TTF2: variants seen among roughly 807,000 people sequenced by gnomAD.
TTF2 encodes the protein transcription termination factor 2.
A neutral mutation model predicts 142.4 loss-of-function variants in TTF2; 108 were observed. The ratio of observed to expected loss-of-function variants is 0.76; its 90% CI spans 0.65 to 0.89. The LOEUF (loss-of-function observed/expected upper bound fraction) is 0.89, where lower values mean the gene tolerates loss of function less well. TTF2 is among the 40% of genes least tolerant of loss of function. The pLI is 0.00. For synonymous variants in TTF2, 483 were observed against 506.2 expected (o/e 0.95, Z 0.61); for missense variants, 1,327 against 1,379.8 (o/e 0.96, Z 0.61).
Position 117,090,642 on chromosome 1 carries a change from C to T in TTF2, c.2588+19C>T. 6.4e-7 allele frequency: 1 copy of T among 1,573,054 alleles called. No individual in the cohort carries two copies. The highest frequency in any genetic ancestry group is 8.7e-7 in the Non-Finnish European group (1 of 1,147,186). On this transcript the variant is annotated intron_variant, in intron 15 of 22. Transcript: ENST00000369466. The surrounding 1 kb of genome is among the most constrained non-coding windows in gnomAD (Gnocchi z 4.8). Reference sequence around the variant, plus strand: ...GATCAAGGTGTGTGTATTAAAGAAGCACCTTCTCACACACATTGTTTTATT... The same window carrying T: ...GATCAAGGTGTGTGTATTAAAGAAGTACCTTCTCACACACATTGTTTTATT...
rs1023922623 is a variant in TTF2, at chr1:117,073,530, A to G, written c.219-131A>G. The stretch of plus-strand genomic sequence containing the variant: ...ATTTTTAAATGTGTATATAAAAGTA[A>G]TTGGTTTCAAGTGACCTCCCAAAGC... On this transcript the variant is annotated intron_variant, in intron 3 of 22. Transcript: ENST00000369466. The surrounding 1 kb of genome is among the most constrained non-coding windows in gnomAD (Gnocchi z 4.4). 1 of 694,400 alleles carries G rather than the reference A, an allele frequency of 1.4e-6. No homozygotes were observed. Among genetic ancestry groups the G allele is most frequent in the African/African-American group, 1.8e-5 (1 of 55,596 alleles). The allele number at this position is 694,400 out of a possible 1,614,324, so 43.0% of individuals were successfully genotyped here.
rs1649603855 is a variant in TTF2, at chr1:117,101,760, AT to A, written c.*238del. On this transcript the variant is annotated 3_prime_UTR_variant, in exon 23 of 23. Coordinates refer to ENST00000369466, the MANE Select transcript of TTF2 (RefSeq NM_003594.4). This position sits in a 1 kb window ranked among gnomAD's most constrained non-coding sequence, Gnocchi z 5.9. The stretch of plus-strand genomic sequence containing the variant: ...TATTTAATGAGTGGTATGGAAACCA[AT>A]TGATTTTTTTAGATAAAAGAATATG... 5.4e-6 allele frequency: 2 copies of A among 372,702 alleles called. No homozygotes were observed. The highest frequency in any genetic ancestry group is 9.0e-5 in the Admixed American group (2 of 22,248). 23.1% of individuals were successfully genotyped at this position (372,702 alleles called of 1,614,324 possible). A position where few individuals can be genotyped will look rare whatever the true frequency, so the allele number is the denominator to read the frequency against.
intron 8 of TTF2, 53 bp downstream of exon 8, chr1:117,078,096 C>G: frequency 6.3e-7 from 1 of 1,585,818 alleles, no homozygotes; most frequent in Admixed American, 1.7e-5. Context: ...CTCCAGCAGC[C>G]CCATGAAACT....
chr1:117,090,206 T>C lies in TTF2; in HGVS notation c.2494T>C (p.Leu832=). The C allele has an allele frequency of 6.2e-7, 1 of 1,613,616 alleles. No individual in the cohort carries two copies. Among genetic ancestry groups the C allele is most frequent in the Non-Finnish European group, 8.5e-7 (1 of 1,179,722 alleles). ...CCAGCTGGACTCTACTGGCAGACCT[T>C]TGGTAATCAAGTTTGTACCTGTCCC... ...KDQLDSTGRP[L]VILPQRKFQL... Residue 832 remains leucine (L), a splice_region_variant and synonymous_variant, in exon 14 of 23, where the codon TTG becomes CTG. Transcript: ENST00000369466. The surrounding 1 kb of genome is among the most constrained non-coding windows in gnomAD (Gnocchi z 4.8).
At chr1:117,084,899 G>A (rs1218827381) in intron 11 of TTF2, among the ~76,000 whole-genome samples, 2 of 152,168 alleles carry the variant, frequency 1.3e-5, no homozygotes, top group African/African-American at 2.4e-5. Flanking sequence ...AAAGAACGGG[G>A]CGGCAGTCTT....
rs532551610 is a variant in TTF2 at position 117,087,329 on chromosome 1, G to T, written c.2160+807G>T. 2.2e-3 allele frequency among the ~76,000 whole-genome samples: 342 copies of T among 152,270 alleles called. 2 individuals carry two copies. The highest frequency in any genetic ancestry group is 7.7e-3 in the African/African-American group (320 of 41,566). On this transcript the variant is annotated intron_variant, in intron 12 of 22. Transcript: ENST00000369466. This position sits in a 1 kb window ranked among gnomAD's most constrained non-coding sequence, Gnocchi z 4.8. ...TTTATTTGAGGCAGAATCTCACTCT[G>T]TCGCCCAGGATGGAGTGCATGGTGC...
Position 117,101,410 on chromosome 1 carries a change from G to T in TTF2, c.3375G>T (p.Lys1125Asn). 6.2e-7 allele frequency: 1 copy of T among 1,602,090 alleles called. No individual in the cohort carries two copies. The part of the protein sequence containing the change: ...RFVCEGTVEE[K>N]ILQLQEKKKD... ...TTTGTGAGGGAACAGTAGAAGAAAA[G>T]ATCTTACAGCTCCAAGAAAAAAAGA... The change falls in exon 23 of 23, where the codon AAG (lysine) becomes AAT (asparagine). Residue 1125 changes from lysine (K) to asparagine (N), a missense_variant. Physicochemically the swap from Lys to Asn is moderately conservative, Grantham distance 94 (BLOSUM62 0). Coordinates refer to ENST00000369466, the MANE Select transcript of TTF2 (RefSeq NM_003594.4). This position sits in a 1 kb window ranked among gnomAD's most constrained non-coding sequence, Gnocchi z 5.9.
rs1365817373 is a variant in TTF2, at chr1:117,079,447, T to C, written c.1702-121T>C. 2 of 901,698 alleles carry C rather than the reference T, an allele frequency of 2.2e-6. No homozygotes were observed. The highest frequency in any genetic ancestry group is 3.5e-6 in the Non-Finnish European group (2 of 566,752). The allele number at this position is 901,698 out of a possible 1,614,324, so 55.9% of individuals were successfully genotyped here. The stretch of plus-strand genomic sequence containing the variant: ...AAGGACTTCAAGGTGAAATGAACTG[T>C]CTACAGAATACTGAGGGAATCATTT... On this transcript the variant is annotated intron_variant, in intron 8 of 22. Transcript: ENST00000369466. This position sits in a 1 kb window ranked among gnomAD's most constrained non-coding sequence, Gnocchi z 4.2.
intron 2 of TTF2, among the ~76,000 whole-genome samples, chr1:117,061,907 T>A (rs925453485): frequency 2.0e-5 from 3 of 152,212 alleles, no homozygotes; most frequent in South Asian, 2.1e-4. Context: ...TTATATATAT[T>A]TAAATTTTTT....
In TTF2 at chr1:117,100,421, C is replaced by T. The variant is rs1379806691; in HGVS notation, c.3345-959C>T. On this transcript the variant is annotated intron_variant, in intron 22 of 22. Coordinates refer to ENST00000369466, the MANE Select transcript of TTF2 (RefSeq NM_003594.4). This position sits in a 1 kb window ranked among gnomAD's most constrained non-coding sequence, Gnocchi z 4.6. ...TTCTCTCCATCACCACCGAAGGGCT[C>T]TTCCTAGCTAATCCATCTGATTGTG... 1.3e-5 allele frequency among the ~76,000 whole-genome samples: 2 copies of T among 152,190 alleles called. No homozygotes were observed. Among genetic ancestry groups the T allele is most frequent in the Non-Finnish European group, 1.5e-5 (1 of 68,034 alleles).
intron 3 of TTF2, among the ~76,000 whole-genome samples, chr1:117,068,423 T>G (rs1656319140): frequency 6.6e-6 from 1 of 151,592 alleles, no homozygotes; most frequent in African/African-American, 2.4e-5. Flanking sequence ...AGGGATAGCA[T>G]TAGGAGATAT....
intron 13 of TTF2, among the ~76,000 whole-genome samples, chr1:117,089,562 A>C (rs1190154570): frequency 6.6e-6 from 1 of 151,836 alleles, no homozygotes; most frequent in African/African-American, 2.4e-5. Context: ...AGGGGTGTAC[A>C]CCTGTGGTCC....
In TTF2 at chr1:117,090,145, T is replaced by G; in HGVS notation, c.2433T>G (p.Ile811Met). Reference sequence around the variant, plus strand: ...AGAAAGGAGGAGAACGGTTAAGTATTTTAACCAAGAGCCTTTTGCTGAGGA... The same window carrying G: ...AGAAAGGAGGAGAACGGTTAAGTATGTTAACCAAGAGCCTTTTGCTGAGGA... The part of the protein sequence containing the change: ...GSKKGGERLS[I>M]LTKSLLLRRT... Residue 811 changes from isoleucine (I) to methionine (M), a missense_variant, in exon 14 of 23, where the codon ATT (isoleucine) becomes ATG (methionine). Transcript: ENST00000369466. The surrounding 1 kb of genome is among the most constrained non-coding windows in gnomAD (Gnocchi z 4.8). 2 of 1,614,150 alleles carry G rather than the reference T, an allele frequency of 1.2e-6. No individual in the cohort carries two copies. Among genetic ancestry groups the G allele is most frequent in the South Asian group, 1.1e-5 (1 of 91,086 alleles).
At position 117,103,491 on chromosome 1, in the gene TTF2, A is replaced by C. The variant is rs1304506685; in HGVS notation, c.*1967A>C. 3 of 152,248 alleles carry C rather than the reference A, an allele frequency of 2.0e-5. No homozygotes were observed. The highest frequency in any genetic ancestry group is 7.2e-5 in the African/African-American group (3 of 41,468). 9.4% of individuals were successfully genotyped at this position (152,248 alleles called of 1,614,324 possible). On this transcript the variant is annotated 3_prime_UTR_variant, in exon 23 of 23. Transcript: ENST00000369466. ...GGGAAACAAGACCCTATGTTAACCC[A>C]GTCAGAGTGTGGACTGAGGCATTCG...
In TTF2 at chr1:117,075,865, T is replaced by C; in HGVS notation, c.1275+6T>C. 1 of 1,594,306 alleles carries C rather than the reference T, an allele frequency of 6.3e-7. No homozygotes were observed. Among genetic ancestry groups the C allele is most frequent in the Non-Finnish European group, 8.5e-7 (1 of 1,172,060 alleles). ...CACAACTGAAACAAAAGAAGGTAAC[T>C]ATTGACTCGTGTTTTGTTTCTGAGG... is the stretch of plus-strand genomic sequence containing the variant. On this transcript the variant is annotated splice_donor_region_variant and intron_variant, in intron 5 of 22. Coordinates refer to ENST00000369466, the MANE Select transcript of TTF2 (RefSeq NM_003594.4). The surrounding 1 kb of genome is among the most constrained non-coding windows in gnomAD (Gnocchi z 4.5).
In TTF2 at chr1:117,104,163, C is replaced by T. The variant is rs1649790198; in HGVS notation, c.*2639C>T. On this transcript the variant is annotated 3_prime_UTR_variant, in exon 23 of 23. Coordinates refer to ENST00000369466, the MANE Select transcript of TTF2 (RefSeq NM_003594.4). ...GATTGAGTCACCTGAGAAGCAGTGG[C>T]TCCCAGGCCAGCAAGAATGTACAAA... The T allele has an allele frequency of 6.6e-6, 1 of 152,162 alleles. No homozygotes were observed. Among genetic ancestry groups the T allele is most frequent in the Non-Finnish European group, 1.5e-5 (1 of 68,028 alleles). The allele number at this position is 152,162 out of a possible 1,614,324, so 9.4% of individuals were successfully genotyped here.
rs1434210310 is a variant in TTF2, at chr1:117,093,895, T to C, written c.2976+994T>C. Among the ~76,000 whole-genome samples the C allele has an allele frequency of 6.6e-6, 1 of 152,210 alleles. No homozygotes were observed. Among genetic ancestry groups the C allele is most frequent in the East Asian group, 1.9e-4 (1 of 5,190 alleles). On this transcript the variant is annotated intron_variant, in intron 18 of 22. Transcript: ENST00000369466. This position sits in a 1 kb window ranked among gnomAD's most constrained non-coding sequence, Gnocchi z 4.5. Reference sequence around the variant, plus strand: ...TGTTTCAAGTAGGGAAGGAGGCTTCTTACTGGAATTTGACCCCGGCTCGTG... The same window carrying C: ...TGTTTCAAGTAGGGAAGGAGGCTTCCTACTGGAATTTGACCCCGGCTCGTG...
intron 3 of TTF2, among the ~76,000 whole-genome samples, chr1:117,069,077 G>T (rs1350861080): frequency 1.3e-5 from 2 of 151,758 alleles, no homozygotes; most frequent in African/African-American, 2.4e-5. Flanking sequence ...ATTCATATCT[G>T]TTTTTTTTCC....
chr1:117,093,427 T>G lies in TTF2; in HGVS notation c.2976+526T>G, dbSNP rs1386735392. Among the ~76,000 whole-genome samples the G allele has an allele frequency of 3.9e-5, 6 of 152,212 alleles. No individual in the cohort carries two copies. Among genetic ancestry groups the G allele is most frequent in the African/African-American group, 1.4e-4 (6 of 41,464 alleles). ...ATTCTGCTGGAGGAAGGCTTAGATA[T>G]GCCGTAACCTGAATCCTGCCTGTCT... On this transcript the variant is annotated intron_variant, in intron 18 of 22. Coordinates refer to ENST00000369466, the MANE Select transcript of TTF2 (RefSeq NM_003594.4). This position sits in a 1 kb window ranked among gnomAD's most constrained non-coding sequence, Gnocchi z 4.5.
Sources: allele counts gnomAD v4.1 joint callset (sites outside exome capture counted in the v4.1 genomes callset), GRCh38; gene constraint gnomAD v4.1.1; non-coding constraint Gnocchi (gnomAD v3.1); transcripts MANE v1.5; gene names NCBI Gene and HGNC (gene_info 2026-07-23, HGNC 2026-07-21).